CLEC4A: variants seen among roughly 807,000 people sequenced by gnomAD.
CLEC4A encodes C-type (calcium dependent, carbohydrate-recognition domain) lectin, superfamily member 6.
In CLEC4A, 27 loss-of-function variants were observed where a neutral mutation model predicts 32.7. The observed-to-expected ratio is 0.83, with a 90% CI of 0.61 to 1.14. CLEC4A has a LOEUF of 1.14. Ranked by LOEUF, CLEC4A falls within the 50% of genes most tolerant of loss-of-function variation. The probability of loss-of-function intolerance (pLI) is 0.00; values close to 1 mark genes in which losing one functional copy is unlikely to be tolerated. For synonymous variants in CLEC4A, 89 were observed against 93.7 expected (o/e 0.95, Z 0.29); for missense variants, 253 against 274.6 (o/e 0.92, Z 0.55).
At chr12:8,129,564 G>T (rs775352194) in intron 3 of CLEC4A, among the ~76,000 whole-genome samples, 1 of 152,030 alleles carries the variant, frequency 6.6e-6, no homozygotes, top group Non-Finnish European at 1.5e-5. Flanking sequence ...AGGCTGAGGC[G>T]TGTGGATCAC....
chr12:8,129,391 T>A, intron 3 of CLEC4A, 29 bp downstream of exon 3: 10 of 1,357,400 alleles, frequency 7.4e-6, no homozygotes, highest in Non-Finnish European at 9.5e-6. Context: ...AGAATTCAGT[T>A]GCTGAATGTA....
Position 8,135,019 on chromosome 12 carries a change from TGTCAGATAA to T in CLEC4A, c.299-565_299-557del, listed in dbSNP as rs1565406447. Among the ~76,000 whole-genome samples, 396 of 105,176 alleles carry T rather than the reference TGTCAGATAA, an allele frequency of 3.8e-3. 13 individuals are homozygous for T. The highest frequency in any genetic ancestry group is 4.9e-3 in the Non-Finnish European group (253 of 51,906). The allele number at this position is 105,176 out of a possible 152,430, so 69.0% of individuals were successfully genotyped here. On this transcript the variant is annotated intron_variant, in intron 3 of 5. Transcript: ENST00000229332. ...TTAATCATGGCTGCTTTTAAATCTT[TGTCAGATAA>T]TTCTAACAATTTTATTATCTTTTTT...
the CLEC4A span, among the ~76,000 whole-genome samples, chr12:8,110,995 T>C: frequency 6.6e-6 from 1 of 151,882 alleles, no homozygotes; most frequent in East Asian, 1.9e-4. Context: ...TGCCTCAGCC[T>C]CCCGAGTAGC....
At position 8,127,259 on chromosome 12, in the gene CLEC4A, G is replaced by T. The variant is rs138123885; in HGVS notation, c.199+1582G>T. Among the ~76,000 whole-genome samples the T allele has an allele frequency of 8.1e-3, 1,233 of 152,274 alleles. 19 individuals are homozygous for T. Among genetic ancestry groups the T allele is most frequent in the African/African-American group, 0.028 (1,161 of 41,540 alleles). ...TCTTATCATTCATCAGGGTAGCCTG[G>T]GTTTGTTCACATGGCAACTGGCAGG... is the stretch of plus-strand genomic sequence containing the variant. On this transcript the variant is annotated intron_variant, in intron 2 of 5. Transcript: ENST00000229332.
intron 1 of CLEC4A, among the ~76,000 whole-genome samples, 200 bp downstream of exon 1, chr12:8,124,160 G>C (rs933280742): frequency 2.0e-5 from 3 of 152,126 alleles, no homozygotes; most frequent in African/African-American, 7.2e-5. Context: ...AAAAGATTTT[G>C]TGCCACTCTC....
In CLEC4A at chr12:8,125,567, A is replaced by C; in HGVS notation, c.89A>C (p.Lys30Thr). The change falls in exon 2 of 6, where the codon AAG (lysine) becomes ACG (threonine). Residue 30 changes from lysine to threonine, a missense_variant. Lys to Thr is a moderately conservative substitution (Grantham distance 78). Coordinates refer to ENST00000229332, the MANE Select transcript of CLEC4A (RefSeq NM_016184.4). ...AATTTGGCTTCTTCTTCAGCTTCCA[A>C]GGAGAGGACTGCCCCTCACAAAAGT... ...GINTASSAAS[K>T]ERTAPHKSNT... 2.5e-6 allele frequency: 4 copies of C among 1,596,562 alleles called. No homozygotes were observed. Among genetic ancestry groups the C allele is most frequent in the Non-Finnish European group, 3.4e-6 (4 of 1,164,168 alleles).
At position 8,134,977 on chromosome 12, in the gene CLEC4A, TTG is replaced by T. The variant is rs1555080193; in HGVS notation, c.299-606_299-605del. 57 of 303,418 alleles carry T rather than the reference TTG, an allele frequency of 1.9e-4. 1 individual carries two copies. Among genetic ancestry groups the T allele is most frequent in the South Asian group, 2.8e-4 (2 of 7,178 alleles). 18.8% of individuals were successfully genotyped at this position (303,418 alleles called of 1,614,324 possible). On this transcript the variant is annotated intron_variant, in intron 3 of 5. Transcript: ENST00000229332. ...TCTGTATCTTCTTGTTGAAGCGTTTTTGTTTTTTGTTTTTTTTTAATCATGGC... is the reference window on the plus strand; with the variant it reads ...TCTGTATCTTCTTGTTGAAGCGTTTTTTTTTTGTTTTTTTTTAATCATGGC...
chr12:8,128,496 C>T (rs928269568), intron 2 of CLEC4A, among the ~76,000 whole-genome samples: 2 of 151,794 alleles, frequency 1.3e-5, no homozygotes, highest in South Asian at 2.1e-4. Context: ...CCGCAACCTC[C>T]GCCTCCCAGG....
At chr12:8,125,528 T>C (rs1263089522) in intron 1 of CLEC4A, 33 bp from the exon 2 acceptor site, 2 of 1,268,800 alleles carry the variant, frequency 1.6e-6, no homozygotes, top group South Asian at 1.2e-5. Context: ...ACCAAACTTA[T>C]TACTGATAAA....
At chr12:8,134,842 G>A (rs1948067414) in intron 3 of CLEC4A, 1 of 1,543,386 alleles carries the variant, frequency 6.5e-7, no homozygotes, top group Non-Finnish European at 8.8e-7. Context: ...GAAGCCAGGT[G>A]TCCCGCCATG....
the CLEC4A span, among the ~76,000 whole-genome samples, chr12:8,114,356 T>G: frequency 6.6e-6 from 1 of 152,140 alleles, no homozygotes; most frequent in Admixed American, 6.5e-5. Flanking sequence ...GCCATTCTCC[T>G]GCCTCAGCCT....
the CLEC4A span, among the ~76,000 whole-genome samples, chr12:8,118,387 C>T: frequency 1.8e-5 from 1 of 56,348 alleles, no homozygotes; most frequent in African/African-American, 3.6e-5. Context: ...TCTATTCTTG[C>T]ACTGCTATAA....
Position 8,125,595 on chromosome 12 carries a change from T to C in CLEC4A, c.117T>C (p.Asn39=), listed in dbSNP as rs764185718. ...SKERTAPHKS[N]TGFPKLLCAS... is the part of the protein sequence containing the mutation. ...AGAGGACTGCCCCTCACAAAAGTAA[T>C]ACCGGATTCCCCAAGCTGCTTTGTG... Residue 39 remains asparagine (N), a synonymous_variant, in exon 2 of 6, where the codon AAT becomes AAC. Coordinates refer to ENST00000229332, the MANE Select transcript of CLEC4A (RefSeq NM_016184.4). 3 of 1,613,026 alleles carry C rather than the reference T, an allele frequency of 1.9e-6. No individual in the cohort carries two copies. In the South Asian group the frequency reaches 3.3e-5, roughly 18 times the overall value.
At chr12:8,112,129 C>T in the CLEC4A span, among the ~76,000 whole-genome samples, 11 of 152,028 alleles carry the variant, frequency 7.2e-5, no homozygotes, top group South Asian at 1.9e-3. Context: ...CCACCATGCC[C>T]GTCTAATTTT....
chr12:8,128,602 G>C (rs4264221), intron 2 of CLEC4A, among the ~76,000 whole-genome samples: 51,949 of 151,888 alleles, frequency 0.34, 9,201 homozygotes, highest in East Asian at 0.49. Context: ...GTAGAGACGA[G>C]GTTTCACCAT....
At chr12:8,127,406 C>A (rs184671251) in intron 2 of CLEC4A, among the ~76,000 whole-genome samples, 1 of 152,142 alleles carries the variant, frequency 6.6e-6, no homozygotes, top group African/African-American at 2.4e-5. Context: ...CAGATCCAGG[C>A]GGTGGAGAAA....
intron 2 of CLEC4A, among the ~76,000 whole-genome samples, chr12:8,127,343 C>T (rs754565242): frequency 2.6e-5 from 4 of 152,312 alleles, no homozygotes; most frequent in Admixed American, 6.5e-5. Flanking sequence ...TTGGAACTAG[C>T]GCAGAGTTGC....
chr12:8,108,852 C>A, the CLEC4A span, among the ~76,000 whole-genome samples: 2 of 82,894 alleles, frequency 2.4e-5, no homozygotes, highest in Admixed American at 1.8e-4. Context: ...GCATTAAGAC[C>A]CACTATGGAT....
intron 1 of CLEC4A, among the ~76,000 whole-genome samples, chr12:8,125,082 G>A (rs1234908438): frequency 3.3e-5 from 5 of 152,008 alleles, no homozygotes; most frequent in Admixed American, 2.0e-4. Flanking sequence ...ATTTGCTATA[G>A]CATTATTTAA....
Sources: allele counts gnomAD v4.1 joint callset (sites outside exome capture counted in the v4.1 genomes callset), GRCh38; gene constraint gnomAD v4.1.1; transcripts MANE v1.5; gene names NCBI Gene and HGNC (gene_info 2026-07-23, HGNC 2026-07-21).